The following UBTD2 variants were observed in gnomAD, a reference collection of about 807,000 sequenced individuals.
The protein encoded by UBTD2 is ubiquitin domain-containing protein 2.
UBTD2 carries 9 observed loss-of-function variants against 19.8 expected under a neutral mutation model. That is an observed-to-expected ratio of 0.46 (90% CI 0.27 to 0.79). The LOEUF is 0.79. Ranked by LOEUF, UBTD2 falls within the 30% of genes least tolerant of loss-of-function variation. The pLI is 0.14. For missense variants in UBTD2, 250 were observed against 300.4 expected (o/e 0.83, Z 1.24); for synonymous variants, 98 against 103.9 (o/e 0.94, Z 0.35).
At chr5:172,238,564 A>G (rs944466946) in intron 1 of UBTD2, among the ~76,000 whole-genome samples, 1 of 152,128 alleles carries the variant, frequency 6.6e-6, no homozygotes, top group Non-Finnish European at 1.5e-5. Flanking sequence ...GTAATCTTTA[A>G]ACACTTCTTC....
chr5:172,276,977 G>A (rs55689903), intron 1 of UBTD2, among the ~76,000 whole-genome samples: 45,056 of 148,566 alleles, frequency 0.3, 6,874 homozygotes, highest in South Asian at 0.42. Context: ...GCTGAGGCAG[G>A]AGAATTGCTT....
chr5:172,252,495 G>A (rs1006009020), intron 1 of UBTD2: 1 of 152,162 alleles, frequency 6.6e-6, no homozygotes, highest in Non-Finnish European at 1.5e-5. Context: ...TTGACCTTTA[G>A]TGACCAAACA....
rs191572501 is a variant in UBTD2, at chr5:172,270,303, A to T, written c.70+13293T>A. Among the ~76,000 whole-genome samples the T allele has an allele frequency of 4.2e-3, 635 of 150,308 alleles. 2 individuals are homozygous for T. The highest frequency in any genetic ancestry group is 6.5e-3 in the Non-Finnish European group (439 of 67,700). On this transcript the variant is annotated intron_variant, in intron 1 of 2. Transcript: ENST00000393792. ...TAATCTGTGATAATACAGACTGAGT[A>T]GCTCTTATTCAAAAGTTCTGAAACT...
chr5:172,281,474 G>C (rs1021610069), intron 1 of UBTD2, among the ~76,000 whole-genome samples: 3 of 152,068 alleles, frequency 2.0e-5, no homozygotes, highest in Non-Finnish European at 4.4e-5. Flanking sequence ...CTCCAGCTTG[G>C]GCGATAAAGC....
intron 2 of UBTD2, among the ~76,000 whole-genome samples, chr5:172,228,339 T>C: frequency 6.6e-6 from 1 of 152,198 alleles, no homozygotes; most frequent in East Asian, 1.9e-4. Flanking sequence ...GGAAGAATGA[T>C]GCAACCTCTC....
chr5:172,278,569 A>G (rs1389137472), intron 1 of UBTD2, among the ~76,000 whole-genome samples: 3 of 151,982 alleles, frequency 2.0e-5, no homozygotes, highest in Non-Finnish European at 4.4e-5. Context: ...TTATTTAGCC[A>G]TAAAAAGGAT....
chr5:172,251,405 T>C (rs1191745410), intron 1 of UBTD2, among the ~76,000 whole-genome samples: 2 of 140,552 alleles, frequency 1.4e-5, no homozygotes, highest in East Asian at 2.0e-4. Context: ...GAAAAATCTA[T>C]AGTGTCCAAT....
At chr5:172,218,810 T>TAAAAAAAAAAAA (rs1241151556) in intron 2 of UBTD2, among the ~76,000 whole-genome samples, 2 of 128,328 alleles carry the variant, frequency 1.6e-5, no homozygotes, top group Non-Finnish European at 1.7e-5. Flanking sequence ...AAAAAAAAAA[T>TAAAAAAAAAAAA]AAAAAATAAA....
At chr5:172,274,744 T>C (rs1193186945) in intron 1 of UBTD2, among the ~76,000 whole-genome samples, 3 of 152,138 alleles carry the variant, frequency 2.0e-5, no homozygotes, top group Admixed American at 6.5e-5. Flanking sequence ...CATGCTACTA[T>C]AAAGAACTGC....
chr5:172,227,451 C>T (rs1266450730), intron 2 of UBTD2, among the ~76,000 whole-genome samples: 1 of 152,074 alleles, frequency 6.6e-6, no homozygotes, highest in Non-Finnish European at 1.5e-5. Context: ...AACAGTCCAG[C>T]AAAAATCCCA....
intron 2 of UBTD2, among the ~76,000 whole-genome samples, chr5:172,216,020 C>A (rs545823869): frequency 6.6e-6 from 1 of 151,852 alleles, no homozygotes; most frequent in African/African-American, 2.4e-5. Flanking sequence ...AAAAATTAGC[C>A]GAGCGTGGTG....
At chr5:172,271,290 G>T (rs573335333) in intron 1 of UBTD2, among the ~76,000 whole-genome samples, 1 of 151,994 alleles carries the variant, frequency 6.6e-6, no homozygotes, top group Middle Eastern at 3.2e-3. Context: ...TTAGCCAGGC[G>T]TGGTGGCAGG....
chr5:172,254,666 A>T, intron 1 of UBTD2: 1 of 576,970 alleles, frequency 1.7e-6, no homozygotes, highest in Non-Finnish European at 3.1e-6. Flanking sequence ...CGGGGATTCC[A>T]CAGGTAAAGG....
chr5:172,274,194 G>A (rs1581235118), intron 1 of UBTD2, among the ~76,000 whole-genome samples: 3 of 144,850 alleles, frequency 2.1e-5, no homozygotes, highest in South Asian at 2.2e-4. Context: ...GGCTTGGAGT[G>A]CAGTGGCACA....
chr5:172,270,850 A>T (rs563296596), intron 1 of UBTD2, among the ~76,000 whole-genome samples: 3 of 152,200 alleles, frequency 2.0e-5, no homozygotes, highest in Non-Finnish European at 2.9e-5. Context: ...TGCAAAATGC[A>T]GCATTACATG....
chr5:172,264,442 G>A (rs1288695893), intron 1 of UBTD2, among the ~76,000 whole-genome samples: 2 of 151,708 alleles, frequency 1.3e-5, no homozygotes, highest in Non-Finnish European at 2.9e-5. Flanking sequence ...CTGGGAGGCT[G>A]AGACAGGAGA....
chr5:172,283,566 G>T lies in UBTD2; in HGVS notation c.70+30C>A. ...CCGGGCCTGGCCGGGAACAATGGGG[G>T]GCCGAGGCTGCCCCCTGGCGCTCAC... On this transcript the variant is annotated intron_variant, in intron 1 of 2. Transcript: ENST00000393792. This position sits in a 1 kb window ranked among gnomAD's most constrained non-coding sequence, Gnocchi z 4.3. 1 of 1,287,180 alleles carries T rather than the reference G, an allele frequency of 7.8e-7. No individual in the cohort carries two copies. The highest frequency in any genetic ancestry group is 9.9e-7 in the Non-Finnish European group (1 of 1,011,646). The allele number at this position is 1,287,180 out of a possible 1,614,324, so 79.7% of individuals were successfully genotyped here.
At chr5:172,273,787 T>C (rs565661338) in intron 1 of UBTD2, among the ~76,000 whole-genome samples, 1 of 152,202 alleles carries the variant, frequency 6.6e-6, no homozygotes. Context: ...GCTCTCCTCA[T>C]GTCTAATATT....
intron 1 of UBTD2, among the ~76,000 whole-genome samples, chr5:172,280,626 TG>T (rs1341584315): frequency 6.6e-6 from 1 of 151,934 alleles, no homozygotes; most frequent in East Asian, 1.9e-4. Context: ...TACTTCAGCC[TG>T]GGTGACAGAG....
Sources: gnomAD v4.1 joint callset for allele counts (sites outside exome capture counted in the v4.1 genomes callset) on GRCh38, gnomAD v4.1.1 for gene constraint, Gnocchi (gnomAD v3.1) non-coding constraint, MANE v1.5 for transcripts, NCBI Gene and HGNC (gene_info 2026-07-23, HGNC 2026-07-21) for gene names.